USP28: variants seen among roughly 807,000 people sequenced by gnomAD.
USP28 encodes ubiquitin specific peptidase 28, also known as ubiquitin carboxyl-terminal hydrolase 28.
In USP28, 113 loss-of-function variants were observed where a neutral mutation model predicts 145.0. The ratio of observed to expected loss-of-function variants is 0.78; its 90% CI spans 0.67 to 0.91. The LOEUF is 0.91. USP28 is among the 40% of genes least tolerant of loss of function. The pLI is 0.00. For missense variants in USP28, 1,201 were observed against 1,289.6 expected, an observed-to-expected ratio of 0.93 and a Z score of 1.05; for synonymous variants, 447 against 450.9, an observed-to-expected ratio of 0.99 and a Z score of 0.11.
At chr11:113,808,434 G>A (rs1940402601) in exon 18 of USP28, 1 of 1,613,958 alleles carries the variant, frequency 6.2e-7, no homozygotes, top group Non-Finnish European at 8.5e-7. Flanking sequence ...GGCTACTGAA[G>A]GCTCTGATAA....
At chr11:113,809,601 AT>A (rs1169852542) in intron 16 of USP28, among the ~76,000 whole-genome samples, 1 of 152,228 alleles carries the variant, frequency 6.6e-6, no homozygotes, top group East Asian at 1.9e-4. Flanking sequence ...ATTTTGGAGC[AT>A]TTGGGATTTT....
chr11:113,799,226 G>C, exon 25 of USP28: 1 of 1,608,804 alleles, frequency 6.2e-7, no homozygotes, highest in Non-Finnish European at 8.5e-7. Context: ...AATGGGCCTT[G>C]AACATGTGGG....
At chr11:113,823,904 T>C (rs1015555896) in intron 11 of USP28, among the ~76,000 whole-genome samples, 16 of 152,156 alleles carry the variant, frequency 1.1e-4, no homozygotes, top group Non-Finnish European at 2.2e-4. Context: ...CTACTTCTAT[T>C]AAATACTTAA....
Position 113,803,042 on chromosome 11 carries a change from G to C in USP28, c.2862+116C>G, listed in dbSNP as rs1233458331. ...TGTAAAACTGTTCATGAGAATTTTG[G>C]GGGGAAATCTACAACCTGTTGGAGA... On this transcript the variant is annotated intron_variant, in intron 23 of 24. Coordinates refer to ENST00000003302, the Ensembl canonical transcript of USP28. The C allele has an allele frequency of 2.5e-6, 3 of 1,202,928 alleles. No individual in the cohort carries two copies. In the African/African-American group the frequency reaches 4.7e-5, roughly 19 times the overall value. 74.5% of individuals were successfully genotyped at this position (1,202,928 alleles called of 1,614,324 possible).
At chr11:113,824,655 G>A (rs1943080710) in intron 11 of USP28, among the ~76,000 whole-genome samples, 2 of 151,654 alleles carry the variant, frequency 1.3e-5, no homozygotes, top group African/African-American at 2.4e-5. Flanking sequence ...GTTGGACCAG[G>A]GGCGGTGGCT....
At chr11:113,830,179 AAAAC>A (rs3074562) in intron 9 of USP28, among the ~76,000 whole-genome samples, 9,803 of 152,302 alleles carry the variant, frequency 0.064, 423 homozygotes, top group Non-Finnish European at 0.089. Flanking sequence ...GGTCCTGACT[AAAAC>A]AAACTCTAAA....
At chr11:113,818,596 T>C (rs1192121305) in intron 12 of USP28, among the ~76,000 whole-genome samples, 2 of 152,172 alleles carry the variant, frequency 1.3e-5, no homozygotes, top group African/African-American at 4.8e-5. Flanking sequence ...TGGTGACTCA[T>C]GCTTGTAATC....
intron 8 of USP28, 134 bp from the exon 9 acceptor site, chr11:113,831,077 G>T: frequency 1.3e-6 from 1 of 763,298 alleles, no homozygotes; most frequent in Non-Finnish European, 2.2e-6. Context: ...ATCTAAATAA[G>T]TAACAATTAG....
At chr11:113,839,975 C>T (rs946802651) in intron 5 of USP28, among the ~76,000 whole-genome samples, 5 of 152,164 alleles carry the variant, frequency 3.3e-5, no homozygotes, top group African/African-American at 1.2e-4. Flanking sequence ...GAGATCGCAC[C>T]ACTGTTGCCT....
intron 1 of USP28, among the ~76,000 whole-genome samples, chr11:113,865,680 T>C (rs1313297016): frequency 7.2e-5 from 11 of 152,234 alleles, no homozygotes; most frequent in Admixed American, 6.5e-4. Context: ...CCTCACACAA[T>C]ACACAAAAAT....
At chr11:113,815,063 A>T (rs111933825) in intron 14 of USP28, 111 bp downstream of exon 14, 17 of 958,746 alleles carry the variant, frequency 1.8e-5, no homozygotes, top group South Asian at 3.4e-5. Context: ...GCGGGGGGGA[A>T]ATTCTGTAGC....
chr11:113,868,026 T>A (rs1238622647), intron 1 of USP28, among the ~76,000 whole-genome samples: 1 of 152,140 alleles, frequency 6.6e-6, no homozygotes, highest in Non-Finnish European at 1.5e-5. Context: ...TTTTGACCCC[T>A]GTTTTACGTA....
At chr11:113,865,264 G>C (rs965698626) in intron 1 of USP28, among the ~76,000 whole-genome samples, 5 of 152,286 alleles carry the variant, frequency 3.3e-5, no homozygotes, top group Middle Eastern at 3.4e-3. Context: ...GGGAACTCTA[G>C]TGAAAACCAG....
intron 1 of USP28, among the ~76,000 whole-genome samples, chr11:113,861,063 G>A (rs1947629238): frequency 6.6e-6 from 1 of 150,860 alleles, no homozygotes; most frequent in African/African-American, 2.4e-5. Flanking sequence ...AGGTTGCAGT[G>A]AGCCAAGATC....
chr11:113,852,154 G>A (rs765615264), intron 3 of USP28, among the ~76,000 whole-genome samples: 18 of 152,014 alleles, frequency 1.2e-4, no homozygotes, highest in Non-Finnish European at 1.2e-4. Flanking sequence ...TCAGCCTCCC[G>A]AGCAGCTGGG....
chr11:113,831,970 G>C, exon 8 of USP28: 1 of 1,613,966 alleles, frequency 6.2e-7, no homozygotes. Context: ...CCAGGAGCTT[G>C]TGTGTGAATT....
At chr11:113,821,336 C>T (rs1942572160) in intron 12 of USP28, 1 of 227,552 alleles carries the variant, frequency 4.4e-6, no homozygotes, top group African/African-American at 2.3e-5. Context: ...TAACATGCCC[C>T]TTGGGTCCTG....
At chr11:113,847,968 T>G (rs1402537085) in intron 3 of USP28, among the ~76,000 whole-genome samples, 1 of 152,142 alleles carries the variant, frequency 6.6e-6, no homozygotes, top group Admixed American at 6.5e-5. Context: ...CTTCCTCTCA[T>G]GGGTCTCACA....
exon 9 of USP28, chr11:113,830,875 A>G: frequency 6.2e-7 from 1 of 1,613,834 alleles, no homozygotes; most frequent in Non-Finnish European, 8.5e-7. Flanking sequence ...ACCTTCACGA[A>G]CCCCTTCAGT....
Sources: allele counts gnomAD v4.1 joint callset (sites outside exome capture counted in the v4.1 genomes callset), GRCh38; gene constraint gnomAD v4.1.1; transcripts MANE v1.5; gene names NCBI Gene and HGNC (gene_info 2026-07-23, HGNC 2026-07-21).